The following PIEZO2 variants were observed in gnomAD, a reference collection of about 807,000 sequenced individuals.
The protein encoded by PIEZO2 is piezo type mechanosensitive ion channel component 2, also known as piezo-type mechanosensitive ion channel component 2.
PIEZO2 carries 172 observed loss-of-function variants against 337.3 expected under a neutral mutation model. The observed-to-expected ratio is 0.51, with a 90% CI of 0.45 to 0.58. The LOEUF is 0.58. Among genes scored for constraint, PIEZO2 ranks in the 20% least tolerant of loss-of-function variants. PIEZO2 has a pLI of 0.00. For missense variants in PIEZO2, 3,028 were observed against 3,391.3 expected (o/e 0.89, Z 2.66); for synonymous variants, 1,251 against 1,228.5 (o/e 1.02, Z -0.38).
intron 2 of PIEZO2, among the ~76,000 whole-genome samples, chr18:10,983,535 A>G (rs1355261728): frequency 2.0e-5 from 3 of 152,254 alleles, no homozygotes; most frequent in Non-Finnish European, 4.4e-5. Context: ...CACCCAGAGC[A>G]CTGAAGGAAT....
chr18:10,893,202 G>A (rs1037659285), intron 4 of PIEZO2, among the ~76,000 whole-genome samples: 3 of 152,150 alleles, frequency 2.0e-5, no homozygotes, highest in African/African-American at 4.8e-5. Context: ...CCTAAACAAA[G>A]ATTTGTTATT....
intron 1 of PIEZO2, among the ~76,000 whole-genome samples, chr18:11,082,485 T>A (rs2038781586): frequency 6.6e-6 from 1 of 151,858 alleles, no homozygotes; most frequent in East Asian, 1.9e-4. Context: ...GCCCGGCTAA[T>A]TTTTTGTATT....
At chr18:10,840,488 T>C (rs1311689080) in intron 7 of PIEZO2, among the ~76,000 whole-genome samples, 1 of 152,184 alleles carries the variant, frequency 6.6e-6, no homozygotes, top group Non-Finnish European at 1.5e-5. Context: ...AATACACCAT[T>C]TTTATATCAA....
chr18:11,004,586 G>A (rs929770977), intron 2 of PIEZO2, among the ~76,000 whole-genome samples: 13 of 152,160 alleles, frequency 8.5e-5, no homozygotes, highest in African/African-American at 2.9e-4. Context: ...GGGAGAAAAC[G>A]CAAAATAAAC....
rs563085079 is a variant in PIEZO2, at chr18:10,903,687, T to A, written c.329+7499A>T. On this transcript the variant is annotated intron_variant, in intron 4 of 55. Transcript: ENST00000674853. This position sits in a 1 kb window ranked among gnomAD's most constrained non-coding sequence, Gnocchi z 4.1. ...GACTCCATCTCAAAAAAAAAAAGAT[T>A]CAAACTTCTTGGCATTGCCTATAAG... Among the ~76,000 whole-genome samples, 11 of 151,988 alleles carry A rather than the reference T, an allele frequency of 7.2e-5. No homozygotes were observed. In the South Asian group the frequency reaches 2.3e-3, roughly 32 times the overall value.
intron 3 of PIEZO2, among the ~76,000 whole-genome samples, chr18:10,913,514 T>G (rs999694718): frequency 1.4e-4 from 22 of 152,318 alleles, no homozygotes; most frequent in African/African-American, 5.3e-4. Flanking sequence ...TCAGATATTT[T>G]CAGTATTATT....
chr18:10,947,155 A>T (rs976298505), intron 3 of PIEZO2, among the ~76,000 whole-genome samples: 8 of 152,180 alleles, frequency 5.3e-5, no homozygotes, highest in Non-Finnish European at 1.5e-5. Flanking sequence ...CTTGAAGGGA[A>T]AAAAATCTGT....
intron 5 of PIEZO2, among the ~76,000 whole-genome samples, chr18:10,860,187 C>A (rs1052348073): frequency 6.6e-6 from 1 of 152,000 alleles, no homozygotes; most frequent in Admixed American, 6.6e-5. Flanking sequence ...TTTTGGAATT[C>A]GCCAGCATAT....
rs1322143520 is a variant in PIEZO2 at position 10,888,014 on chromosome 18, A to C, written c.330-16599T>G. On this transcript the variant is annotated intron_variant, in intron 4 of 55. Coordinates refer to ENST00000674853, the MANE Select transcript of PIEZO2 (RefSeq NM_001378183.1). This position sits in a 1 kb window ranked among gnomAD's most constrained non-coding sequence, Gnocchi z 4.1. ...TAAGGATATATTCTGAAATTGCATCAATGTCCTCTGCCTTATCAAGCTTCC... is the reference window on the plus strand; with the variant it reads ...TAAGGATATATTCTGAAATTGCATCCATGTCCTCTGCCTTATCAAGCTTCC... Among the ~76,000 whole-genome samples, 1 of 152,096 alleles carries C rather than the reference A, an allele frequency of 6.6e-6. No homozygotes were observed. Among genetic ancestry groups the C allele is most frequent in the Non-Finnish European group, 1.5e-5 (1 of 68,016 alleles).
chr18:11,044,391 G>A (rs1168347631), intron 2 of PIEZO2, among the ~76,000 whole-genome samples: 2 of 151,932 alleles, frequency 1.3e-5, no homozygotes, highest in Non-Finnish European at 2.9e-5. Context: ...AACACAGTAC[G>A]GCACTTTGAG....
rs571713209 is a variant in PIEZO2, at chr18:10,968,144, T to G, written c.286+11391A>C. On this transcript the variant is annotated intron_variant, in intron 3 of 55. Transcript: ENST00000674853. ...TTTTGTATAAGGTAAGAGATGAGAA[T>G]CCAGTTTCATTCTTCTACCTGTGGT... Among the ~76,000 whole-genome samples, 4 of 152,308 alleles carry G rather than the reference T, an allele frequency of 2.6e-5. No homozygotes were observed. In the East Asian group the frequency reaches 7.7e-4, roughly 29 times the overall value.
chr18:10,759,634 T>C lies in PIEZO2; in HGVS notation c.3656-51A>G. On this transcript the variant is annotated intron_variant, in intron 25 of 55. Coordinates refer to ENST00000674853, the MANE Select transcript of PIEZO2 (RefSeq NM_001378183.1). This position sits in a 1 kb window ranked among gnomAD's most constrained non-coding sequence, Gnocchi z 5.5. ...CACAATCAATACTCTTCTTCACCAC[T>C]CTTCTCCCAGCCGTCCGCTCAGTAA... 2 of 1,535,436 alleles carry C rather than the reference T, an allele frequency of 1.3e-6. No homozygotes were observed. The highest frequency in any genetic ancestry group is 1.7e-6 in the Non-Finnish European group (2 of 1,145,234).
chr18:10,884,986 T>C lies in PIEZO2; in HGVS notation c.330-13571A>G, dbSNP rs1201020016. Among the ~76,000 whole-genome samples, 4 of 152,080 alleles carry C rather than the reference T, an allele frequency of 2.6e-5. No homozygotes were observed. The East Asian group carries it at 7.7e-4, about 29-fold the overall frequency. ...GAGCGTCTATCATATCATAGACATT[T>C]TGCCAAGCCCTAGGCTGACAGTGCT... On this transcript the variant is annotated intron_variant, in intron 4 of 55. Transcript: ENST00000674853.
intron 36 of PIEZO2, among the ~76,000 whole-genome samples, chr18:10,725,974 G>C (rs12454348): frequency 0.26 from 39,479 of 152,146 alleles, 5,872 homozygotes; most frequent in Non-Finnish European, 0.34. Flanking sequence ...GTTGCTCTGG[G>C]CAAGAGGTGG....
At chr18:10,786,924 C>T in intron 16 of PIEZO2, 112 bp downstream of exon 16, 2 of 1,057,118 alleles carry the variant, frequency 1.9e-6, no homozygotes, top group South Asian at 3.2e-5. Flanking sequence ...TATTGAGGAA[C>T]TTATAGACAT....
chr18:10,855,382 C>T lies in PIEZO2; in HGVS notation c.888G>A (p.Glu296=), dbSNP rs564150062. The change falls in exon 7 of 56, where the codon GAG becomes GAA. Residue 296 remains glutamate, a synonymous_variant. Coordinates refer to ENST00000674853, the MANE Select transcript of PIEZO2 (RefSeq NM_001378183.1). This position sits in a 1 kb window ranked among gnomAD's most constrained non-coding sequence, Gnocchi z 4.9. ...LYLYQFQFFQ[E]AVPPNDYYAR... is the part of the protein sequence containing the mutation. Reference sequence around the variant, plus strand: ...CATAGTAGTCATTGGGTGGAACTGCCTCTTGAAAGAATTGGAACTGGTATA... The same window carrying T: ...CATAGTAGTCATTGGGTGGAACTGCTTCTTGAAAGAATTGGAACTGGTATA... The T allele has an allele frequency of 2.6e-6, 4 of 1,536,842 alleles. No homozygotes were observed. The highest frequency in any genetic ancestry group is 4.9e-5 in the East Asian group (2 of 40,918).
chr18:10,983,660 C>T (rs951558829), intron 2 of PIEZO2, among the ~76,000 whole-genome samples: 1 of 152,030 alleles, frequency 6.6e-6, no homozygotes, highest in Non-Finnish European at 1.5e-5. Context: ...ACCACTGAAC[C>T]CCACAGGATG....
Position 10,715,802 on chromosome 18 carries a change from T to C in PIEZO2, c.5104A>G (p.Arg1702Gly). 6.5e-7 allele frequency: 1 copy of C among 1,527,662 alleles called. No individual in the cohort carries two copies. Among genetic ancestry groups the C allele is most frequent in the Non-Finnish European group, 8.8e-7 (1 of 1,140,404 alleles). 94.6% of individuals were successfully genotyped at this position (1,527,662 alleles called of 1,614,324 possible). A position where few individuals can be genotyped will look rare whatever the true frequency, so the allele number is the denominator to read the frequency against. The change falls in exon 38 of 56, where the codon AGG becomes GGG. Residue 1702 changes from arginine (R) to glycine (G), a missense_variant. Physicochemically the swap from Arg to Gly is moderately radical, Grantham distance 125. Coordinates refer to ENST00000674853, the MANE Select transcript of PIEZO2 (RefSeq NM_001378183.1). ...KSDGPDNIIK[R>G]IFNILKFTWV... Reference sequence around the variant, plus strand: ...GTAAATTTCAAAATATTAAATATCCTCTTGATGATATTATCTAGGAGGAAG... The same window carrying C: ...GTAAATTTCAAAATATTAAATATCCCCTTGATGATATTATCTAGGAGGAAG...
rs1220037599 is a variant in PIEZO2 at position 11,070,451 on chromosome 18, G to A, written c.65-4229C>T. ...AACACTAAAGAGAGGCACGAAGGAG[G>A]CAGGTGTTTGTCTTAGCTCTGCCTA... is the stretch of plus-strand genomic sequence containing the variant. On this transcript the variant is annotated intron_variant, in intron 1 of 55. Transcript: ENST00000674853. The surrounding 1 kb of genome is among the most constrained non-coding windows in gnomAD (Gnocchi z 4.3). Among the ~76,000 whole-genome samples the A allele has an allele frequency of 2.0e-5, 3 of 152,162 alleles. No individual in the cohort carries two copies. Among genetic ancestry groups the A allele is most frequent in the Non-Finnish European group, 4.4e-5 (3 of 68,028 alleles).
Sources: gnomAD v4.1 joint callset for allele counts (sites outside exome capture counted in the v4.1 genomes callset) on GRCh38, gnomAD v4.1.1 for gene constraint, Gnocchi (gnomAD v3.1) non-coding constraint, MANE v1.5 for transcripts, NCBI Gene and HGNC (gene_info 2026-07-23, HGNC 2026-07-21) for gene names.